Variants in RGS3 observed in about 807,000 individuals in gnomAD.
RGS3 encodes regulator of G-protein signalling 3.
Under a neutral mutation model 132.6 loss-of-function variants are expected in RGS3, and 80 were observed. The ratio of observed to expected loss-of-function variants is 0.60; its 90% confidence interval spans 0.50 to 0.73. The LOEUF (loss-of-function observed/expected upper bound fraction) is 0.73, where lower values mean the gene tolerates loss of function less well. Among genes scored for constraint, RGS3 ranks in the 30% least tolerant of loss-of-function variants. The pLI, the probability that RGS3 is intolerant of heterozygous loss-of-function variation, is 0.00. For synonymous variants in RGS3, 598 were observed against 620.6 expected, an observed-to-expected ratio of 0.96 and a Z score of 0.54; for missense variants, 1,382 against 1,530.8, an observed-to-expected ratio of 0.90 and a Z score of 1.62.
chr9:113,565,354 A>T lies in RGS3; in HGVS notation c.2038-18096A>T. 7.8e-7 allele frequency: 1 copy of T among 1,289,900 alleles called. No individual in the cohort carries two copies. The highest frequency in any genetic ancestry group is 1.0e-6 in the Non-Finnish European group (1 of 988,810). The allele number at this position is 1,289,900 out of a possible 1,614,324, so 79.9% of individuals were successfully genotyped here. On this transcript the variant is annotated intron_variant, in intron 19 of 24. Coordinates refer to ENST00000350696, the Ensembl canonical transcript of RGS3. This position sits in a 1 kb window ranked among gnomAD's most constrained non-coding sequence, Gnocchi z 5.7. ...CTCTCCAGAGTGGCGGTGGCCGGCT[A>T]GACAGGGTGTGTGTTTGGGAAAGGC...
At chr9:113,473,107 G>T (rs1246912055) in intron 3 of RGS3, among the ~76,000 whole-genome samples, 1 of 152,286 alleles carries the variant, frequency 6.6e-6, no homozygotes, top group Non-Finnish European at 1.5e-5. Context: ...GTTAAAAAAA[G>T]AAGGAACTAA....
chr9:113,540,171 T>TTCTTCTGCCTGGGAA (rs1483363767), intron 19 of RGS3, among the ~76,000 whole-genome samples: 1 of 152,132 alleles, frequency 6.6e-6, no homozygotes, highest in Non-Finnish European at 1.5e-5. Flanking sequence ...CCTACCTTTC[T>TTCTTCTGCCTGGGAA]TCTTCTGCCT....
At chr9:113,479,402 A>T (rs1203693706) in intron 3 of RGS3, 89 bp from the exon 2 acceptor site, 4 of 1,313,360 alleles carry the variant, frequency 3.0e-6, no homozygotes, top group Non-Finnish European at 3.3e-6. Context: ...ACATGAACAA[A>T]AGAGCATTTC....
At chr9:113,477,152 G>A (rs1172209360) in intron 3 of RGS3, among the ~76,000 whole-genome samples, 2 of 152,108 alleles carry the variant, frequency 1.3e-5, no homozygotes, top group African/African-American at 4.8e-5. Context: ...AGTTCTCCCG[G>A]CGCCTTTCAT....
At chr9:113,449,180 A>G (rs1395135355) in intron 1 of RGS3, among the ~76,000 whole-genome samples, 1 of 152,192 alleles carries the variant, frequency 6.6e-6, no homozygotes, top group Non-Finnish European at 1.5e-5. Context: ...CAGCAAGACC[A>G]GTTAGGAGGC....
intron 14 of RGS3, among the ~76,000 whole-genome samples, chr9:113,512,484 T>G (rs1223991790): frequency 6.6e-6 from 1 of 152,086 alleles, no homozygotes; most frequent in Non-Finnish European, 1.5e-5. Flanking sequence ...TGGTCACTTG[T>G]CAGGGGCACG....
intron 19 of RGS3, among the ~76,000 whole-genome samples, chr9:113,578,249 T>G (rs1429288762): frequency 1.3e-5 from 2 of 152,202 alleles, no homozygotes; most frequent in African/African-American, 4.8e-5. Context: ...AAGGCCACGC[T>G]GTGCTGGAGT....
At chr9:113,484,309 TCTAGAA>T (rs1213447550) in intron 6 of RGS3, 77 bp downstream of exon 4, 5 of 375,512 alleles carry the variant, frequency 1.3e-5, no homozygotes, top group Non-Finnish European at 2.4e-5. Context: ...GTTTGCCAAA[TCTAGAA>T]CTAGATCTAT....
chr9:113,509,461 A>G (rs1831305304), intron 14 of RGS3, among the ~76,000 whole-genome samples: 1 of 152,124 alleles, frequency 6.6e-6, no homozygotes, highest in South Asian at 2.1e-4. Flanking sequence ...AAGTGCACAG[A>G]TGTCTCTGCT....
intron 10 of RGS3, among the ~76,000 whole-genome samples, chr9:113,502,819 A>T (rs1208985284): frequency 6.6e-6 from 1 of 152,186 alleles, no homozygotes; most frequent in Admixed American, 6.5e-5. Context: ...GTCAGGTCTG[A>T]GCTCAAATCT....
chr9:113,479,299 G>A (rs573639910), intron 3 of RGS3, 192 bp from the exon 2 acceptor site: 9 of 652,658 alleles, frequency 1.4e-5, no homozygotes, highest in African/African-American at 1.1e-4. Flanking sequence ...GGAGGCATTC[G>A]AAAGGGACTC....
intron 19 of RGS3, among the ~76,000 whole-genome samples, chr9:113,555,438 T>C (rs181010075): frequency 2.6e-5 from 4 of 152,236 alleles, no homozygotes; most frequent in East Asian, 3.9e-4. Context: ...GGTATTGTTA[T>C]AATTGTCTGG....
intron 19 of RGS3, among the ~76,000 whole-genome samples, chr9:113,576,276 T>G (rs1834518622): frequency 1.3e-5 from 2 of 151,970 alleles, no homozygotes; most frequent in East Asian, 1.9e-4. Context: ...TGCTGGCTCT[T>G]GGGCTGCACT....
chr9:113,584,408 T>A, exon 20 of RGS3: 1 of 1,521,520 alleles, frequency 6.6e-7, no homozygotes, highest in Non-Finnish European at 8.8e-7. Context: ...CTTTCCCTCT[T>A]CTTCACAGGA....
upstream of RGS3, among the ~76,000 whole-genome samples, chr9:113,457,768 G>T (rs1462423584): frequency 1.3e-5 from 2 of 152,166 alleles, no homozygotes; most frequent in African/African-American, 2.4e-5. Context: ...AAAGCAAATG[G>T]TGGGCCAGAT....
chr9:113,498,465 T>C (rs780347675), intron 10 of RGS3, among the ~76,000 whole-genome samples: 74 of 152,322 alleles, frequency 4.9e-4, no homozygotes, highest in Non-Finnish European at 8.8e-4. Flanking sequence ...GCAGCTGCGA[T>C]TCTGAACCTG....
chr9:113,466,812 C>T (rs1829659358), intron 3 of RGS3, among the ~76,000 whole-genome samples: 1 of 152,170 alleles, frequency 6.6e-6, no homozygotes, highest in African/African-American at 2.4e-5. Context: ...AGATGTGTAA[C>T]TATTATCACA....
chr9:113,483,015 G>A, intron 4 of RGS3, 44 bp from the exon 3 acceptor site: 2 of 1,612,664 alleles, frequency 1.2e-6, no homozygotes, highest in Non-Finnish European at 1.7e-6. Flanking sequence ...GTGTGTGTGT[G>A]TATGTTTCCA....
At chr9:113,477,999 G>A (rs1231482875) in intron 3 of RGS3, among the ~76,000 whole-genome samples, 1 of 152,258 alleles carries the variant, frequency 6.6e-6, no homozygotes, top group East Asian at 1.9e-4. Context: ...ATGTCACCGA[G>A]GAAGAGGAGT....
Sources: allele counts gnomAD v4.1 joint callset (sites outside exome capture counted in the v4.1 genomes callset), GRCh38; gene constraint gnomAD v4.1.1; non-coding constraint Gnocchi (gnomAD v3.1); transcripts MANE v1.5; gene names NCBI Gene and HGNC (gene_info 2026-07-23, HGNC 2026-07-21).